STAC: variants seen among roughly 807,000 people sequenced by gnomAD.
The protein encoded by STAC is SH3 and cysteine rich domain.
STAC carries 43 observed loss-of-function variants against 48.8 expected under a neutral mutation model. The ratio of observed to expected loss-of-function variants is 0.88; its 90% CI spans 0.69 to 1.14. The LOEUF is 1.14. STAC is among the 50% of genes most tolerant of loss of function. The pLI is 0.00. For synonymous variants in STAC, 193 were observed against 179.5 expected (o/e 1.07, Z -0.60); for missense variants, 497 against 504.0 (o/e 0.99, Z 0.13).
At chr3:36,398,371 A>AAAGAAAG (rs1699911321) in intron 1 of STAC, among the ~76,000 whole-genome samples, 1 of 131,302 alleles carries the variant, frequency 7.6e-6, no homozygotes, top group Non-Finnish European at 1.7e-5. Flanking sequence ...AAGAAAGAAA[A>AAAGAAAG]GAAAGAGAGA....
At chr3:36,487,137 G>T (rs1697835414) in intron 5 of STAC, among the ~76,000 whole-genome samples, 1 of 152,240 alleles carries the variant, frequency 6.6e-6, no homozygotes, top group Non-Finnish European at 1.5e-5. Context: ...CCTGGGAGGG[G>T]TTCTCAGAGA....
chr3:36,399,405 T>TA (rs1699955495), intron 1 of STAC, among the ~76,000 whole-genome samples: 1 of 152,184 alleles, frequency 6.6e-6, no homozygotes. Flanking sequence ...AATGGGTTGA[T>TA]AGACACCTGA....
chr3:36,469,360 A>G (rs1697262877), intron 2 of STAC, among the ~76,000 whole-genome samples: 2 of 152,178 alleles, frequency 1.3e-5, no homozygotes, highest in Non-Finnish European at 2.9e-5. Context: ...GTTTTGCTGG[A>G]TAAAAAATTA....
intron 2 of STAC, among the ~76,000 whole-genome samples, chr3:36,462,099 A>T (rs1575215910): frequency 1.3e-5 from 2 of 152,158 alleles, no homozygotes; most frequent in Admixed American, 1.3e-4. Flanking sequence ...CAGATTGTTC[A>T]TATATTTTGA....
chr3:36,454,093 G>A (rs1252183407), intron 2 of STAC, among the ~76,000 whole-genome samples: 1 of 152,124 alleles, frequency 6.6e-6, no homozygotes, highest in Admixed American at 6.5e-5. Flanking sequence ...ATGTGGGTGG[G>A]GCCAAATAAG....
At chr3:36,479,832 G>T (rs928231477) in intron 2 of STAC, among the ~76,000 whole-genome samples, 1 of 152,222 alleles carries the variant, frequency 6.6e-6, no homozygotes, top group Admixed American at 6.5e-5. Flanking sequence ...AAACAAGTCA[G>T]ACCATGGCTT....
At chr3:36,444,170 A>G (rs532201350) in intron 2 of STAC, among the ~76,000 whole-genome samples, 1 of 152,294 alleles carries the variant, frequency 6.6e-6, no homozygotes, top group South Asian at 2.1e-4. Context: ...ATCACACACA[A>G]GGCTTGTTCT....
chr3:36,463,184 T>A (rs9859630), intron 2 of STAC, among the ~76,000 whole-genome samples: 18,402 of 152,182 alleles, frequency 0.12, 1,319 homozygotes, highest in East Asian at 0.31. Flanking sequence ...ATTAAGAAGC[T>A]TTTTTGTTAT....
chr3:36,512,630 T>C (rs979747536), intron 8 of STAC, among the ~76,000 whole-genome samples: 2 of 152,160 alleles, frequency 1.3e-5, no homozygotes, highest in African/African-American at 4.8e-5. Flanking sequence ...TCTGCGTGCT[T>C]ATTTTAGTTG....
intron 1 of STAC, among the ~76,000 whole-genome samples, chr3:36,421,210 A>G (rs1347047191): frequency 6.6e-6 from 1 of 152,178 alleles, no homozygotes; most frequent in East Asian, 1.9e-4. Flanking sequence ...GAGTACATTA[A>G]CTACATTTTC....
intron 1 of STAC, among the ~76,000 whole-genome samples, chr3:36,425,837 G>T (rs916807360): frequency 3.9e-5 from 6 of 152,104 alleles, no homozygotes; most frequent in African/African-American, 1.2e-4. Flanking sequence ...AACTAGGCTG[G>T]GCAACATGGT....
intron 1 of STAC, among the ~76,000 whole-genome samples, chr3:36,423,681 T>A (rs147053073): frequency 1.3e-5 from 2 of 152,242 alleles, no homozygotes; most frequent in East Asian, 3.9e-4. Flanking sequence ...AGTTTCTTTT[T>A]TTGTACTGTA....
At position 36,514,029 on chromosome 3, in the gene STAC, T is replaced by G. The variant is rs1300258594; in HGVS notation, c.920+8195T>G. 3.9e-5 allele frequency among the ~76,000 whole-genome samples: 6 copies of G among 151,946 alleles called. No homozygotes were observed. The East Asian group carries it at 1.2e-3, about 29-fold the overall frequency. On this transcript the variant is annotated intron_variant, in intron 8 of 10. Transcript: ENST00000273183. ...ACCATCTGAGCTTCTGCTTCCTGAC[T>G]TGTAAAAGGAGATAATCACTTTGCC...
rs1249419851 is a variant in STAC at position 36,528,913 on chromosome 3, G to A, written c.1038G>A (p.Glu346=). The A allele has an allele frequency of 1.9e-6, 3 of 1,613,738 alleles. No individual in the cohort carries two copies. Among genetic ancestry groups the A allele is most frequent in the Non-Finnish European group, 2.5e-6 (3 of 1,179,846 alleles). Residue 346 remains glutamate (E), a synonymous_variant, in exon 10 of 11, where the codon GAG becomes GAA. Transcript: ENST00000273183. ...ANFVQRLQQN[E]KIFRCVRTFI... ...TTGTTCAGAGACTACAACAAAATGA[G>A]AAGATTTTTAGATGTGTTAGAACCT... is the stretch of plus-strand genomic sequence containing the variant.
intron 1 of STAC, among the ~76,000 whole-genome samples, chr3:36,396,847 C>T (rs1282957656): frequency 2.6e-5 from 4 of 152,120 alleles, no homozygotes; most frequent in South Asian, 2.1e-4. Flanking sequence ...GTTTTTTCCT[C>T]GCACTAATGA....
intron 2 of STAC, among the ~76,000 whole-genome samples, chr3:36,459,851 A>G (rs1696958289): frequency 6.6e-6 from 1 of 152,184 alleles, no homozygotes; most frequent in Admixed American, 6.5e-5. Context: ...GTATGCATTA[A>G]GTCAGACCTC....
At chr3:36,448,358 A>T (rs1696579071) in intron 2 of STAC, among the ~76,000 whole-genome samples, 1 of 150,712 alleles carries the variant, frequency 6.6e-6, no homozygotes, top group African/African-American at 2.4e-5. Context: ...AGTAGCTGGG[A>T]TTACAGGCAG....
rs774957264 is a variant in STAC, at chr3:36,455,753, ACAGG to A, written c.388+12118_388+12121del. 6.1e-4 allele frequency among the ~76,000 whole-genome samples: 86 copies of A among 140,990 alleles called. 1 individual carries two copies. Among genetic ancestry groups the A allele is most frequent in the Non-Finnish European group, 3.4e-4 (22 of 64,764 alleles). 92.5% of individuals were successfully genotyped at this position (140,990 alleles called of 152,430 possible). A position where few individuals can be genotyped will look rare whatever the true frequency, so the allele number is the denominator to read the frequency against. On this transcript the variant is annotated intron_variant, in intron 2 of 10. Transcript: ENST00000273183. ...TTGTAAATGTCTGGGACTCAGTGAA[ACAGG>A]CAGGTGTGTGTGTGTGTGTGTGTGT... is the stretch of plus-strand genomic sequence containing the variant.
intron 1 of STAC, among the ~76,000 whole-genome samples, chr3:36,390,457 T>C (rs1340276323): frequency 2.9e-5 from 4 of 137,574 alleles, no homozygotes; most frequent in African/African-American, 9.3e-5. Context: ...TTTTCTTTTT[T>C]TTTTTTTTTT....
Sources: gnomAD v4.1 joint callset for allele counts (sites outside exome capture counted in the v4.1 genomes callset) on GRCh38, gnomAD v4.1.1 for gene constraint, MANE v1.5 for transcripts, NCBI Gene and HGNC (gene_info 2026-07-23, HGNC 2026-07-21) for gene names.